The following NR4A3 variants were observed in gnomAD, a reference collection of about 807,000 sequenced individuals.
NR4A3 encodes the protein chondrosarcoma, extraskeletal myxoid, fused to EWS.
In NR4A3, 13 loss-of-function variants were observed where a neutral mutation model predicts 55.6. The observed-to-expected ratio is 0.23, with a 90% CI of 0.15 to 0.37. The LOEUF is 0.37. Ranked by LOEUF, NR4A3 falls within the 10% of genes least tolerant of loss-of-function variation. NR4A3 has a pLI of 1.00. For missense variants in NR4A3, 646 were observed against 822.8 expected, an observed-to-expected ratio of 0.79 and a Z score of 2.63; for synonymous variants, 342 against 357.9, an observed-to-expected ratio of 0.96 and a Z score of 0.50.
At chr9:99,861,103 G>C (rs567997063) in intron 7 of NR4A3, among the ~76,000 whole-genome samples, 1 of 152,318 alleles carries the variant, frequency 6.6e-6, no homozygotes, top group African/African-American at 2.4e-5. Context: ...TAGAACCTAG[G>C]TCTGTCTAAC....
At chr9:99,843,493 T>C (rs182187852) in intron 5 of NR4A3, among the ~76,000 whole-genome samples, 155 of 152,256 alleles carry the variant, frequency 1.0e-3, no homozygotes, top group African/African-American at 3.6e-3. Context: ...CAAACTTCAT[T>C]GTGTATGAGA....
At chr9:99,836,696 T>C (rs547195282) in intron 5 of NR4A3, among the ~76,000 whole-genome samples, 19 of 152,364 alleles carry the variant, frequency 1.2e-4, no homozygotes, top group Admixed American at 3.3e-4. Context: ...TAACAAGTGT[T>C]GGCCATACTA....
intron 2 of NR4A3, among the ~76,000 whole-genome samples, chr9:99,827,329 C>T (rs1255594344): frequency 2.0e-5 from 3 of 150,100 alleles, no homozygotes; most frequent in African/African-American, 7.4e-5. Flanking sequence ...GTTGCAGCTG[C>T]TGATCTTTTT....
Position 99,863,837 on chromosome 9 carries a change from C to T in NR4A3, c.1851C>T (p.Asp617=). The change falls in exon 8 of 8, where the codon GAC becomes GAT. Residue 617 remains aspartate, a synonymous_variant. Coordinates refer to ENST00000395097, the MANE Select transcript of NR4A3 (RefSeq NM_006981.4). ...TGGTGTCTCCACCTTCCATCATTGA[C>T]AAGCTCTTCCTGGACACCCTACCTT... ...EDLVSPPSII[D]KLFLDTLPF is the part of the protein sequence containing the mutation. The T allele has an allele frequency of 6.2e-7, 1 of 1,613,856 alleles. No individual in the cohort carries two copies.
chr9:99,857,123 G>A (rs1254778657), intron 7 of NR4A3, among the ~76,000 whole-genome samples: 2 of 152,168 alleles, frequency 1.3e-5, no homozygotes, highest in Admixed American at 6.6e-5. Flanking sequence ...CAGAGGCCAT[G>A]GGTATTGAGA....
At chr9:99,829,129 C>T (rs1827390064) in intron 3 of NR4A3, 136 bp downstream of exon 3, 2 of 1,054,872 alleles carry the variant, frequency 1.9e-6, no homozygotes, top group African/African-American at 3.3e-5. Context: ...ACAGCCCTTC[C>T]TAGCACCTTC....
intron 4 of NR4A3, 135 bp downstream of exon 4, chr9:99,832,953 A>G (rs199803185): frequency 2.1e-5 from 16 of 761,810 alleles, no homozygotes; most frequent in Non-Finnish European, 1.8e-5. Context: ...TTTATCATAT[A>G]TATCTACATT....
At chr9:99,856,980 T>C (rs1827937948) in intron 7 of NR4A3, among the ~76,000 whole-genome samples, 1 of 152,236 alleles carries the variant, frequency 6.6e-6, no homozygotes, top group Non-Finnish European at 1.5e-5. Flanking sequence ...TTACATGTGT[T>C]ATTTTGTTTA....
intron 3 of NR4A3, among the ~76,000 whole-genome samples, chr9:99,831,179 A>G (rs1442571534): frequency 6.6e-6 from 1 of 152,206 alleles, no homozygotes; most frequent in Non-Finnish European, 1.5e-5. Flanking sequence ...TATTGGGAAA[A>G]TGTATACCTG....
chr9:99,863,687 A>G lies in NR4A3; in HGVS notation c.1701A>G (p.Lys567=). The G allele has an allele frequency of 6.2e-7, 1 of 1,614,044 alleles. No homozygotes were observed. The highest frequency in any genetic ancestry group is 1.3e-5 in the African/African-American group (1 of 75,060). ...ELCNKITSSL[K]DHQSKGQALE... ...GCAACAAGATCACAAGCAGTTTAAA[A>G]GACCACCAGAGTAAGGGACAGGCTC... The change falls in exon 8 of 8, where the codon AAA becomes AAG. Residue 567 remains lysine, a synonymous_variant. Coordinates refer to ENST00000395097, the MANE Select transcript of NR4A3 (RefSeq NM_006981.4).
rs755222373 is a variant in NR4A3, at chr9:99,843,182, C to T, written c.1255-1467C>T. On this transcript the variant is annotated intron_variant, in intron 5 of 7. Coordinates refer to ENST00000395097, the MANE Select transcript of NR4A3 (RefSeq NM_006981.4). ...TTCCTACTTATATCGTTCTGCTCTT[C>T]GGACTCTCTAGATCCATGCTGTCCA... Among the ~76,000 whole-genome samples, 6 of 152,212 alleles carry T rather than the reference C, an allele frequency of 3.9e-5. No homozygotes were observed. The East Asian group carries it at 5.8e-4, about 15-fold the overall frequency.
intron 7 of NR4A3, among the ~76,000 whole-genome samples, chr9:99,850,161 G>A (rs1385483277): frequency 6.6e-6 from 1 of 152,206 alleles, no homozygotes; most frequent in African/African-American, 2.4e-5. Flanking sequence ...GGTGAGGGGA[G>A]CAGAGTTTAT....
At chr9:99,838,718 T>C (rs1240254953) in intron 5 of NR4A3, among the ~76,000 whole-genome samples, 1 of 152,214 alleles carries the variant, frequency 6.6e-6, no homozygotes, top group Non-Finnish European at 1.5e-5. Context: ...GGTGGGGTGT[T>C]TGCTTTAAAA....
chr9:99,823,113 C>G (rs1277373417), intron 1 of NR4A3, among the ~76,000 whole-genome samples: 1 of 152,192 alleles, frequency 6.6e-6, no homozygotes, highest in Admixed American at 6.5e-5. Context: ...TTGGCGACTC[C>G]CGCACACTGA....
chr9:99,832,815 G>C lies in NR4A3; in HGVS notation c.1078G>C (p.Glu360Gln), dbSNP rs1361987382. The C allele has an allele frequency of 6.3e-7, 1 of 1,579,836 alleles. No homozygotes were observed. The highest frequency in any genetic ancestry group is 8.6e-7 in the Non-Finnish European group (1 of 1,156,534). ...QKCLSVGMVK[E>Q]VVRTDSLKGR... The stretch of plus-strand genomic sequence containing the variant: ...GTGTCTCAGTGTTGGAATGGTAAAA[G>C]AAGGTATGGATATAATGCTTTTTAC... The change falls in exon 4 of 8, where the codon GAA becomes CAA. Residue 360 changes from glutamate to glutamine, a missense_variant. This residue lies in a region of NR4A3 where 44 missense variants were observed against 119.3 expected (regional missense o/e 0.37). Transcript: ENST00000395097.
intron 7 of NR4A3, among the ~76,000 whole-genome samples, chr9:99,858,854 G>A (rs978171318): frequency 1.3e-5 from 2 of 152,134 alleles, no homozygotes; most frequent in African/African-American, 4.8e-5. Context: ...AAAGAGTGTT[G>A]TATAAAGTGC....
intron 3 of NR4A3, among the ~76,000 whole-genome samples, chr9:99,829,800 C>G (rs73499667): frequency 1.3e-5 from 2 of 152,204 alleles, no homozygotes; most frequent in South Asian, 2.1e-4. Context: ...ATAGGCCTAA[C>G]GGAGAAATTT....
At chr9:99,850,794 G>A (rs920704471) in intron 7 of NR4A3, among the ~76,000 whole-genome samples, 1 of 152,294 alleles carries the variant, frequency 6.6e-6, no homozygotes, top group South Asian at 2.1e-4. Flanking sequence ...AGTTGGTGAT[G>A]TAACCAAACT....
At chr9:99,852,963 G>A (rs530588444) in intron 7 of NR4A3, among the ~76,000 whole-genome samples, 1 of 152,098 alleles carries the variant, frequency 6.6e-6, no homozygotes, top group Admixed American at 6.6e-5. Flanking sequence ...AACTTAGCGG[G>A]GCAAAATAGT....
Sources: allele counts gnomAD v4.1 joint callset (sites outside exome capture counted in the v4.1 genomes callset), GRCh38; gene constraint gnomAD v4.1.1; regional missense constraint gnomAD v4.1.1; transcripts MANE v1.5; gene names NCBI Gene and HGNC (gene_info 2026-07-23, HGNC 2026-07-21).